Variants in RASAL1 observed in about 807,000 individuals in gnomAD.
RASAL1 encodes the protein rasGAP-activating-like protein 1.
A neutral mutation model predicts 96.6 loss-of-function variants in RASAL1; 72 were observed. The ratio of observed to expected loss-of-function variants is 0.75; its 90% CI spans 0.62 to 0.91. The LOEUF is 0.91. Among genes scored for constraint, RASAL1 ranks in the 40% least tolerant of loss-of-function variants. The pLI is 0.00. For synonymous variants in RASAL1, 405 were observed against 430.4 expected, an observed-to-expected ratio of 0.94 and a Z score of 0.73; for missense variants, 1,016 against 1,072.5, an observed-to-expected ratio of 0.95 and a Z score of 0.74.
At chr12:113,125,506 G>C (rs955712116) in intron 4 of RASAL1, among the ~76,000 whole-genome samples, 4 of 152,174 alleles carry the variant, frequency 2.6e-5, no homozygotes, top group Admixed American at 2.0e-4. Flanking sequence ...TATAAAAAAG[G>C]CTCATGGAGA....
rs140785723 is a variant in RASAL1 at position 113,122,234 on chromosome 12, C to T, written c.299-596G>A. 1.7e-3 allele frequency among the ~76,000 whole-genome samples: 254 copies of T among 152,308 alleles called. 2 individuals are homozygous for T. The highest frequency in any genetic ancestry group is 5.8e-3 in the African/African-American group (243 of 41,550). On this transcript the variant is annotated intron_variant, in intron 4 of 20. Coordinates refer to ENST00000548055, the MANE Select transcript of RASAL1 (RefSeq NM_001301202.2). The stretch of plus-strand genomic sequence containing the variant: ...GCCATGTGCCATCACACACTTCCCC[C>T]TGGTATAGAAAGAACTTCATCATGT...
intron 12 of RASAL1, among the ~76,000 whole-genome samples, chr12:113,112,542 C>G (rs1035880894): frequency 1.3e-5 from 2 of 152,302 alleles, no homozygotes; most frequent in South Asian, 2.1e-4. Flanking sequence ...TTCCTCACCC[C>G]CTGCAAGTCT....
In RASAL1 at chr12:113,135,496, C is replaced by A. The variant is rs1566079242; in HGVS notation, c.-34G>T. 6.4e-7 allele frequency: 1 copy of A among 1,568,662 alleles called. No homozygotes were observed. Among genetic ancestry groups the A allele is most frequent in the Non-Finnish European group, 8.7e-7 (1 of 1,153,860 alleles). ...GCCACAAACTTTCCAGGCAGAAGGG[C>A]GCTCAGGTTCCGAGGCTGGACCAGG... On this transcript the variant is annotated 5_prime_UTR_variant, in exon 1 of 21. Coordinates refer to ENST00000548055, the MANE Select transcript of RASAL1 (RefSeq NM_001301202.2). The surrounding 1 kb of genome is among the most constrained non-coding windows in gnomAD (Gnocchi z 5.7).
intron 1 of RASAL1, among the ~76,000 whole-genome samples, chr12:113,131,709 A>G (rs1030469361): frequency 2.0e-5 from 3 of 152,166 alleles, no homozygotes; most frequent in Admixed American, 6.5e-5. Context: ...AAGCTGTCTA[A>G]CAGGTCCCTC....
At chr12:113,105,954 G>A in intron 15 of RASAL1, 68 bp from the exon 16 acceptor site, 2 of 1,496,256 alleles carry the variant, frequency 1.3e-6, no homozygotes, top group South Asian at 1.2e-5. Flanking sequence ...TGCTCCACTA[G>A]CATGCCCAGG....
chr12:113,130,148 AC>A lies in RASAL1; in HGVS notation c.122+736del, dbSNP rs1951645839. ...CAAGGCCTCAGCCACCCACCAGCCC[AC>A]CCACCCCCATCAGGCCTCCAGGGGC... On this transcript the variant is annotated intron_variant, in intron 2 of 20. Coordinates refer to ENST00000548055, the MANE Select transcript of RASAL1 (RefSeq NM_001301202.2). The surrounding 1 kb of genome is among the most constrained non-coding windows in gnomAD (Gnocchi z 5.1). 1.3e-5 allele frequency among the ~76,000 whole-genome samples: 2 copies of A among 151,320 alleles called. No individual in the cohort carries two copies. The highest frequency in any genetic ancestry group is 1.3e-4 in the Admixed American group (2 of 15,202).
At chr12:113,101,276 C>T (rs1269170984) in intron 19 of RASAL1, among the ~76,000 whole-genome samples, 2 of 152,096 alleles carry the variant, frequency 1.3e-5, no homozygotes, top group South Asian at 2.1e-4. Flanking sequence ...ACTAGTCAGG[C>T]GTGGTGGCAA....
chr12:113,106,523 G>A (rs1950652487), intron 15 of RASAL1, among the ~76,000 whole-genome samples: 1 of 152,170 alleles, frequency 6.6e-6, no homozygotes, highest in African/African-American at 2.4e-5. Flanking sequence ...TTCTTCACGG[G>A]TGTCCTCAGT....
intron 12 of RASAL1, 67 bp from the exon 13 acceptor site, chr12:113,112,345 G>T: frequency 8.5e-7 from 1 of 1,182,650 alleles, no homozygotes; most frequent in Non-Finnish European, 1.1e-6. Context: ...CCCTCCACCG[G>T]CCCCGCTGAG....
Position 113,115,152 on chromosome 12 carries a change from G to C in RASAL1, c.1068+48C>G. ...GGAGCCAGGTAGGCACTGGGAAGGA[G>C]GTACCCGAGGAAGCTGCGCCTGGTC... On this transcript the variant is annotated intron_variant, in intron 11 of 20. Transcript: ENST00000548055. This position sits in a 1 kb window ranked among gnomAD's most constrained non-coding sequence, Gnocchi z 4.1. The C allele has an allele frequency of 6.5e-7, 1 of 1,541,988 alleles. No individual in the cohort carries two copies. The highest frequency in any genetic ancestry group is 9.0e-7 in the Non-Finnish European group (1 of 1,115,384).
Position 113,108,225 on chromosome 12 carries a change from G to C in RASAL1, c.1375-3C>G, listed in dbSNP as rs758347574. 6.2e-7 allele frequency: 1 copy of C among 1,609,314 alleles called. No individual in the cohort carries two copies. Among genetic ancestry groups the C allele is most frequent in the South Asian group, 1.1e-5 (1 of 89,854 alleles). ...CTGATGGCCAGGTACTTCACATCCT[G>C]CTGGGAGGAGCAGAAGGTAAGAGGA... On this transcript the variant is annotated splice_region_variant and splice_polypyrimidine_tract_variant and intron_variant, in intron 13 of 20. Transcript: ENST00000548055.
intron 5 of RASAL1, among the ~76,000 whole-genome samples, chr12:113,121,219 T>A (rs1437709648): frequency 6.6e-6 from 1 of 152,022 alleles, no homozygotes; most frequent in African/African-American, 2.4e-5. Context: ...CCAGTATGAG[T>A]TGGGTATTTG....
At chr12:113,118,133 A>T (rs1384169114) in intron 7 of RASAL1, among the ~76,000 whole-genome samples, 1 of 152,162 alleles carries the variant, frequency 6.6e-6, no homozygotes, top group Non-Finnish European at 1.5e-5. Flanking sequence ...CTGAGGCAAA[A>T]TAATTCCTTG....
chr12:113,101,407 CTCTG>C (rs1284213418), intron 19 of RASAL1, among the ~76,000 whole-genome samples: 5 of 152,158 alleles, frequency 3.3e-5, no homozygotes, highest in Non-Finnish European at 7.3e-5. Context: ...CAGAGCCAGA[CTCTG>C]TCTAAGTAAA....
In RASAL1 at chr12:113,119,215, C is replaced by T; in HGVS notation, c.555G>A (p.Glu185=). The T allele has an allele frequency of 1.2e-6, 2 of 1,614,080 alleles. No homozygotes were observed. Among genetic ancestry groups the T allele is most frequent in the Non-Finnish European group, 8.5e-7 (1 of 1,179,944 alleles). The change falls in exon 7 of 21, where the codon GAG becomes GAA. Residue 185 remains glutamate (E), a synonymous_variant. Coordinates refer to ENST00000548055, the MANE Select transcript of RASAL1 (RefSeq NM_001301202.2). ...ACGGGGCACCTGGCATCTCCCGCAGCTCCAGCACTTCATCCCAGTGCGGGA... is the reference window on the plus strand; with the variant it reads ...ACGGGGCACCTGGCATCTCCCGCAGTTCCAGCACTTCATCCCAGTGCGGGA... ...TRFPHWDEVL[E]LREMPGAPSP...
At chr12:113,104,427 TG>T (rs1299629509) in intron 16 of RASAL1, 129 bp from the exon 17 acceptor site, 18 of 822,144 alleles carry the variant, frequency 2.2e-5, no homozygotes, top group Non-Finnish European at 3.2e-5. Flanking sequence ...TGTAAGTCTG[TG>T]CTCTGTGTGC....
chr12:113,135,519 A>G lies in RASAL1; in HGVS notation c.-57T>C. On this transcript the variant is annotated 5_prime_UTR_variant, in exon 1 of 21. Transcript: ENST00000548055. The surrounding 1 kb of genome is among the most constrained non-coding windows in gnomAD (Gnocchi z 5.7). ...GGCGCTCAGGTTCCGAGGCTGGACC[A>G]GGGGACGTCTACATGTCACCTGCTT... 3 of 1,457,922 alleles carry G rather than the reference A, an allele frequency of 2.1e-6. No individual in the cohort carries two copies. Among genetic ancestry groups the G allele is most frequent in the Non-Finnish European group, 2.8e-6 (3 of 1,062,202 alleles). The allele number at this position is 1,457,922 out of a possible 1,614,324, so 90.3% of individuals were successfully genotyped here. A position where few individuals can be genotyped will look rare whatever the true frequency, so the allele number is the denominator to read the frequency against.
intron 4 of RASAL1, among the ~76,000 whole-genome samples, chr12:113,124,667 T>G (rs1220389072): frequency 6.6e-6 from 1 of 152,212 alleles, no homozygotes; most frequent in Non-Finnish European, 1.5e-5. Context: ...ACCTCCCCTC[T>G]CTATGCCTCT....
chr12:113,117,072 C>T lies in RASAL1; in HGVS notation c.731+1G>A. 2.5e-6 allele frequency: 4 copies of T among 1,596,194 alleles called. No homozygotes were observed. The highest frequency in any genetic ancestry group is 3.4e-6 in the Non-Finnish European group (4 of 1,166,670). Reference sequence around the variant, plus strand: ...CCCCCTCCCTCTGCACCCACATTTACCCAGAATCCTCCTCGGCTCTGGGAA... The same window carrying T: ...CCCCCTCCCTCTGCACCCACATTTATCCAGAATCCTCCTCGGCTCTGGGAA... On this transcript the variant is annotated splice_donor_variant, in intron 8 of 20. Coordinates refer to ENST00000548055, the MANE Select transcript of RASAL1 (RefSeq NM_001301202.2). LOFTEE classifies it high-confidence loss of function.
Sources: allele counts gnomAD v4.1 joint callset (sites outside exome capture counted in the v4.1 genomes callset), GRCh38; gene constraint gnomAD v4.1.1; non-coding constraint Gnocchi (gnomAD v3.1); transcripts MANE v1.5; gene names NCBI Gene and HGNC (gene_info 2026-07-23, HGNC 2026-07-21).